Variants in TNIK observed in about 807,000 individuals in gnomAD.
The protein encoded by TNIK is TRAF2 and NCK interacting kinase.
In TNIK, 49 loss-of-function variants were observed where a neutral mutation model predicts 191.3. The observed-to-expected ratio is 0.26, with a 90% CI of 0.20 to 0.32. TNIK has a LOEUF of 0.32. TNIK is among the 10% of genes least tolerant of loss of function. The probability of loss-of-function intolerance (pLI) is 1.00; values close to 1 mark genes in which losing one functional copy is unlikely to be tolerated. For missense variants in TNIK, 1,155 were observed against 1,702.3 expected, an observed-to-expected ratio of 0.68 and a Z score of 5.66; for synonymous variants, 594 against 600.9, an observed-to-expected ratio of 0.99 and a Z score of 0.17.
chr3:171,267,436 G>T (rs917375263), intron 2 of TNIK, among the ~76,000 whole-genome samples: 2 of 152,214 alleles, frequency 1.3e-5, no homozygotes, highest in African/African-American at 4.8e-5. Context: ...TGGCAAGACT[G>T]AAAGGAGCCT....
At position 171,194,632 on chromosome 3, in the gene TNIK, C is replaced by T. The variant is rs1298725616; in HGVS notation, c.310G>A (p.Val104Met). The T allele has an allele frequency of 6.2e-7, 1 of 1,613,480 alleles. No individual in the cohort carries two copies. Among genetic ancestry groups the T allele is most frequent in the Non-Finnish European group, 8.5e-7 (1 of 1,179,672 alleles). ...PPGMDDQLWL[V>M]MEFCGAGSVT... The stretch of plus-strand genomic sequence containing the variant: ...GAGCCAGCACCACAAAACTCCATCA[C>T]CAACTGGCAAAGGAAGCAAACAAGC... Residue 104 changes from valine to methionine, a missense_variant, in exon 5 of 33, where the codon GTG (valine) becomes ATG (methionine). Physicochemically the swap from Val to Met is conservative, Grantham distance 21. Coordinates refer to ENST00000436636, the MANE Select transcript of TNIK (RefSeq NM_015028.4).
chr3:171,151,733 A>G (rs563827629), intron 12 of TNIK, among the ~76,000 whole-genome samples: 22 of 152,290 alleles, frequency 1.4e-4, no homozygotes, highest in Non-Finnish European at 2.8e-4. Flanking sequence ...CTCTCTACTG[A>G]ATTTTACCAA....
intron 2 of TNIK, among the ~76,000 whole-genome samples, chr3:171,342,337 A>G (rs775877279): frequency 3.9e-5 from 6 of 152,240 alleles, no homozygotes; most frequent in Non-Finnish European, 5.9e-5. Flanking sequence ...CCACTGGTCT[A>G]GATTAAATTG....
intron 7 of TNIK, among the ~76,000 whole-genome samples, chr3:171,183,849 A>T (rs1004284194): frequency 3.5e-5 from 5 of 142,716 alleles, no homozygotes; most frequent in Non-Finnish European, 7.6e-5. Context: ...TGAACCCAGG[A>T]GGCAGAGGTT....
chr3:171,143,649 T>C (rs1315888946), intron 12 of TNIK, among the ~76,000 whole-genome samples: 4 of 152,220 alleles, frequency 2.6e-5, no homozygotes, highest in African/African-American at 9.6e-5. Context: ...TTACCAACTT[T>C]GCAATCTAGA....
chr3:171,347,128 C>T (rs561262638), intron 2 of TNIK: 2 of 1,505,654 alleles, frequency 1.3e-6, no homozygotes, highest in African/African-American at 2.9e-5. Context: ...ATCAGCTGGG[C>T]TTGGTGATGA....
chr3:171,072,914 C>T (rs1022692446), intron 28 of TNIK, among the ~76,000 whole-genome samples: 7 of 151,950 alleles, frequency 4.6e-5, no homozygotes, highest in African/African-American at 1.4e-4. Context: ...GATGAAGAAA[C>T]CACAGATGAC....
chr3:171,261,158 C>T (rs1383768742), intron 2 of TNIK, among the ~76,000 whole-genome samples: 1 of 152,200 alleles, frequency 6.6e-6, no homozygotes, highest in African/African-American at 2.4e-5. Context: ...TGCCTCTCCT[C>T]CCACCTTCAC....
At chr3:171,364,825 C>A (rs1376410221) in intron 2 of TNIK, among the ~76,000 whole-genome samples, 1 of 150,954 alleles carries the variant, frequency 6.6e-6, no homozygotes, top group Non-Finnish European at 1.5e-5. Flanking sequence ...GGAGAAGGAG[C>A]CAGCCATGAG....
intron 7 of TNIK, among the ~76,000 whole-genome samples, chr3:171,179,404 C>A (rs1330317185): frequency 6.6e-6 from 1 of 151,980 alleles, no homozygotes; most frequent in East Asian, 1.9e-4. Flanking sequence ...GGCTCAGGAG[C>A]AATAACTGGT....
At position 171,126,008 on chromosome 3, in the gene TNIK, G is replaced by A. The variant is rs1317249302; in HGVS notation, c.1917C>T (p.Asn639=). Residue 639 remains asparagine, a synonymous_variant, in exon 17 of 33, where the codon AAC becomes AAT. Coordinates refer to ENST00000436636, the MANE Select transcript of TNIK (RefSeq NM_015028.4). ...TSHRVEMPRQ[N]SDPTSENPPL... The stretch of plus-strand genomic sequence containing the variant: ...GAGGATTTTCCGAGGTGGGATCTGA[G>A]TTCTGGCGTGGCATCTCCACGCGGT... 6.2e-7 allele frequency: 1 copy of A among 1,613,964 alleles called. No individual in the cohort carries two copies. Among genetic ancestry groups the A allele is most frequent in the Admixed American group, 1.7e-5 (1 of 60,018 alleles).
At chr3:171,351,263 A>G (rs1277382454) in intron 2 of TNIK, among the ~76,000 whole-genome samples, 1 of 52,528 alleles carries the variant, frequency 1.9e-5, no homozygotes, top group South Asian at 9.1e-4. Context: ...ATATATATAT[A>G]TGTATATATG....
At chr3:171,149,353 C>G (rs571834520) in intron 12 of TNIK, among the ~76,000 whole-genome samples, 1 of 152,230 alleles carries the variant, frequency 6.6e-6, no homozygotes, top group Admixed American at 6.5e-5. Context: ...GTATGAAATG[C>G]TGTTAAGTAT....
intron 2 of TNIK, among the ~76,000 whole-genome samples, chr3:171,339,791 G>A (rs1757331254): frequency 6.6e-6 from 1 of 152,202 alleles, no homozygotes; most frequent in South Asian, 2.1e-4. Context: ...TTTTCAGATT[G>A]TGTGCCTTGG....
At chr3:171,157,241 G>A (rs894758548) in intron 12 of TNIK, among the ~76,000 whole-genome samples, 2 of 152,188 alleles carry the variant, frequency 1.3e-5, no homozygotes, top group African/African-American at 4.8e-5. Context: ...AAGGGGTGAC[G>A]GCCTTCACCT....
chr3:171,307,185 A>G (rs981291766), intron 2 of TNIK, among the ~76,000 whole-genome samples: 1 of 152,042 alleles, frequency 6.6e-6, no homozygotes, highest in Non-Finnish European at 1.5e-5. Flanking sequence ...GGTGGTGGTG[A>G]GGTGAGAGAG....
At chr3:171,221,063 T>G (rs1187199545) in intron 3 of TNIK, among the ~76,000 whole-genome samples, 1 of 152,166 alleles carries the variant, frequency 6.6e-6, no homozygotes, top group Non-Finnish European at 1.5e-5. Context: ...AGTTGTTCAT[T>G]TTTAGAACCC....
At chr3:171,439,143 A>C (rs1009873686) in intron 1 of TNIK, among the ~76,000 whole-genome samples, 4 of 151,744 alleles carry the variant, frequency 2.6e-5, no homozygotes, top group Non-Finnish European at 4.4e-5. Flanking sequence ...AGGAGATCGA[A>C]ACCATCCTGG....
Position 171,102,744 on chromosome 3 carries a change from TTC to T in TNIK, c.2407-1113_2407-1112del, listed in dbSNP as rs764397635. Among the ~76,000 whole-genome samples, 15 of 152,262 alleles carry T rather than the reference TTC, an allele frequency of 9.9e-5. 1 individual carries two copies. The South Asian group carries it at 3.1e-3, about 32-fold the overall frequency. ...AATCCCACAGTTTTCTATGGCCATATTCTCTCTTTATTTCAATCCAGAAATGT... is the reference window on the plus strand; with the variant it reads ...AATCCCACAGTTTTCTATGGCCATATTCTCTTTATTTCAATCCAGAAATGT... On this transcript the variant is annotated intron_variant, in intron 21 of 32. Coordinates refer to ENST00000436636, the MANE Select transcript of TNIK (RefSeq NM_015028.4).
Sources: gnomAD v4.1 joint callset for allele counts (sites outside exome capture counted in the v4.1 genomes callset) on GRCh38, gnomAD v4.1.1 for gene constraint, MANE v1.5 for transcripts, NCBI Gene and HGNC (gene_info 2026-07-23, HGNC 2026-07-21) for gene names.